Variants in HNF1B observed in about 807,000 individuals in gnomAD.
HNF1B encodes the protein hepatocyte nuclear factor 1-beta.
Under a neutral mutation model 61.7 loss-of-function variants are expected in HNF1B, and 8 were observed. The ratio of observed to expected loss-of-function variants is 0.13; its 90% CI spans 0.08 to 0.23. HNF1B has a LOEUF of 0.23. HNF1B is among the 10% of genes least tolerant of loss of function. The pLI, the probability that HNF1B is intolerant of heterozygous loss-of-function variation, is 1.00. For missense variants in HNF1B, 562 were observed against 714.5 expected, an observed-to-expected ratio of 0.79 and a Z score of 2.43; for synonymous variants, 314 against 287.7, an observed-to-expected ratio of 1.09 and a Z score of -0.93.
intron 4 of HNF1B, among the ~76,000 whole-genome samples, chr17:37,727,347 T>C (rs895507184): frequency 2.6e-5 from 4 of 152,186 alleles, no homozygotes; most frequent in Admixed American, 2.0e-4. Context: ...GATAAAGGCC[T>C]TCCAGGCTGA....
intron 2 of HNF1B, among the ~76,000 whole-genome samples, chr17:37,736,185 TGA>T (rs2033827288): frequency 6.6e-6 from 1 of 152,212 alleles, no homozygotes; most frequent in Non-Finnish European, 1.5e-5. Flanking sequence ...CCCTGCTCAG[TGA>T]GGTCTGTCAC....
At chr17:37,739,775 A>T in intron 1 of HNF1B, 136 bp from the exon 2 acceptor site, 1 of 795,760 alleles carries the variant, frequency 1.3e-6, no homozygotes, top group Admixed American at 2.0e-5. Flanking sequence ...TTTGGGGTAG[A>T]CATGAGGCCA....
chr17:37,701,130 C>T lies in HNF1B; in HGVS notation c.1387G>A (p.Ala463Thr), dbSNP rs2032556882. 5.8e-6 allele frequency: 9 copies of T among 1,552,122 alleles called. No individual in the cohort carries two copies. The East Asian group carries it at 9.7e-5, about 17-fold the overall frequency. Residue 463 changes from alanine to threonine, a missense_variant, in exon 7 of 9, where the codon GCC (alanine) becomes ACC (threonine). Physicochemically the swap from Ala to Thr is moderately conservative, Grantham distance 58 (BLOSUM62 0). Coordinates refer to ENST00000617811, the MANE Select transcript of HNF1B (RefSeq NM_000458.4). ...AQSVPVINSV[A>T]GSLAALQPVQ... The stretch of plus-strand genomic sequence containing the variant: ...GGCTGCAGGGCTGCCAGGCTGCCGG[C>T]CACACTGTTGATGACAGGGACACTC...
chr17:37,724,804 G>C (rs1323541561), intron 4 of HNF1B, among the ~76,000 whole-genome samples: 1 of 152,046 alleles, frequency 6.6e-6, no homozygotes, highest in Non-Finnish European at 1.5e-5. Flanking sequence ...CTGTTCTAGA[G>C]AATTTATGAA....
At position 37,693,430 on chromosome 17, in the gene HNF1B, G is replaced by T. The variant is rs531170448; in HGVS notation, c.1653+5646C>A. ...ACTGCCCAAGGTCACATACCAGGGG[G>T]TGATGAAGCTGAAAGTAGCTCAGGT... is the stretch of plus-strand genomic sequence containing the variant. On this transcript the variant is annotated intron_variant, in intron 8 of 8. Coordinates refer to ENST00000617811, the MANE Select transcript of HNF1B (RefSeq NM_000458.4). Among the ~76,000 whole-genome samples, 275 of 152,256 alleles carry T rather than the reference G, an allele frequency of 1.8e-3. 3 individuals are homozygous for T. The highest frequency in any genetic ancestry group is 6.3e-3 in the African/African-American group (261 of 41,534).
chr17:37,717,959 G>T (rs887276275), intron 4 of HNF1B, among the ~76,000 whole-genome samples: 3 of 152,160 alleles, frequency 2.0e-5, no homozygotes, highest in African/African-American at 7.2e-5. Flanking sequence ...ATGCTGGGCT[G>T]GTTTCAATTC....
At chr17:37,730,297 A>C (rs1216786726) in intron 4 of HNF1B, 2 of 152,584 alleles carry the variant, frequency 1.3e-5, no homozygotes, top group Non-Finnish European at 2.9e-5. Context: ...CCCTGCTTTG[A>C]ATTTCCCTAA....
intron 2 of HNF1B, among the ~76,000 whole-genome samples, chr17:37,737,178 C>T (rs372825711): frequency 6.6e-6 from 1 of 152,154 alleles, no homozygotes; most frequent in African/African-American, 2.4e-5. Flanking sequence ...TCACTTGTGT[C>T]CCTCTTTTAT....
chr17:37,699,285 C>A, intron 7 of HNF1B, 91 bp from the exon 8 acceptor site: 3 of 926,046 alleles, frequency 3.2e-6, no homozygotes, highest in Non-Finnish European at 5.4e-6. Context: ...GCTCCCATCT[C>A]CTCAGGTAGA....
rs371467412 is a variant in HNF1B, at chr17:37,705,034, C to T, written c.1222G>A (p.Gly408Arg). Residue 408 changes from glycine to arginine, a missense_variant, in exon 6 of 9, where the codon GGA becomes AGA. This residue lies in a region of HNF1B where 211 missense variants were observed against 200.7 expected (regional missense o/e 1.05). Transcript: ENST00000617811. ...PDGKMISVSGGGLPPVSTLTN... is the reference protein window; with the variant it reads ...PDGKMISVSGRGLPPVSTLTN... ...AAGGTGCTGACTGGGGGCAAACCTC[C>T]TCCTGAGACTGAGATCTGATGGAGA... is the stretch of plus-strand genomic sequence containing the variant. 13 of 1,613,830 alleles carry T rather than the reference C, an allele frequency of 8.1e-6. No homozygotes were observed. Among genetic ancestry groups the T allele is most frequent in the Non-Finnish European group, 1.1e-5 (13 of 1,179,930 alleles).
intron 6 of HNF1B, among the ~76,000 whole-genome samples, chr17:37,704,312 G>C (rs542754556): frequency 6.6e-6 from 1 of 152,300 alleles, no homozygotes; most frequent in Admixed American, 6.5e-5. Context: ...ATGTGCCAAA[G>C]CAAGCTTTTT....
chr17:37,713,108 T>C (rs928126378), intron 4 of HNF1B, among the ~76,000 whole-genome samples: 2 of 152,240 alleles, frequency 1.3e-5, no homozygotes, highest in African/African-American at 4.8e-5. Context: ...TTTCTCCTGC[T>C]TTCTCTGACT....
intron 3 of HNF1B, 116 bp downstream of exon 3, chr17:37,733,441 T>G: frequency 1.7e-6 from 2 of 1,204,924 alleles, no homozygotes; most frequent in Non-Finnish European, 2.5e-6. Flanking sequence ...TTTGAGAAGC[T>G]CTGATTTAGC....
rs542892205 is a variant in HNF1B, at chr17:37,738,057, A to ACC, written c.544+1382_544+1383insGG. Among the ~76,000 whole-genome samples, 1,068 of 152,312 alleles carry ACC rather than the reference A, an allele frequency of 7.0e-3. 11 individuals are homozygous for ACC. The highest frequency in any genetic ancestry group is 0.025 in the African/African-American group (1,028 of 41,564). On this transcript the variant is annotated intron_variant, in intron 2 of 8. Transcript: ENST00000617811. ...AGGCAGCACAGACTGGAAATGCTGC[A>ACC]TAAAGCTTAAATTGGGCAGGGCCCA...
intron 7 of HNF1B, among the ~76,000 whole-genome samples, chr17:37,700,567 C>T (rs1158030311): frequency 6.6e-6 from 1 of 152,124 alleles, no homozygotes; most frequent in Non-Finnish European, 1.5e-5. Context: ...AAATTAGATG[C>T]CAATTGTGAT....
intron 3 of HNF1B, 67 bp from the exon 4 acceptor site, chr17:37,731,897 A>G: frequency 9.6e-7 from 1 of 1,046,520 alleles, no homozygotes; most frequent in Non-Finnish European, 1.5e-6. Flanking sequence ...GCTTGGCCAA[A>G]AACACACAAT....
At chr17:37,693,131 A>C (rs2032262673) in intron 8 of HNF1B, among the ~76,000 whole-genome samples, 1 of 146,506 alleles carries the variant, frequency 6.8e-6, no homozygotes, top group Non-Finnish European at 1.5e-5. Context: ...CGGAGGTTGC[A>C]GTGAGCTGAG....
chr17:37,742,257 T>C (rs2034014612), intron 1 of HNF1B, among the ~76,000 whole-genome samples: 1 of 152,154 alleles, frequency 6.6e-6, no homozygotes, highest in South Asian at 2.1e-4. Flanking sequence ...CAGCCCACTT[T>C]CTAGACGCCC....
chr17:37,715,288 C>T (rs2033068164), intron 4 of HNF1B, among the ~76,000 whole-genome samples: 1 of 152,142 alleles, frequency 6.6e-6, no homozygotes, highest in Non-Finnish European at 1.5e-5. Flanking sequence ...TAGCAGACTG[C>T]CTGGTACTGT....
Sources: gnomAD v4.1 joint callset for allele counts (sites outside exome capture counted in the v4.1 genomes callset) on GRCh38, gnomAD v4.1.1 for gene constraint, gnomAD v4.1.1 regional missense constraint, MANE v1.5 for transcripts, NCBI Gene and HGNC (gene_info 2026-07-23, HGNC 2026-07-21) for gene names.